NBPF3: variants seen among roughly 807,000 people sequenced by gnomAD.
NBPF3 encodes NBPF member 3.
In NBPF3, 57 loss-of-function variants were observed where a neutral mutation model predicts 78.1. The observed-to-expected ratio is 0.73, with a 90% CI of 0.59 to 0.91. The LOEUF (loss-of-function observed/expected upper bound fraction) is 0.91, where lower values mean the gene tolerates loss of function less well. Among genes scored for constraint, NBPF3 ranks in the 40% least tolerant of loss-of-function variants. The pLI, the probability that NBPF3 is intolerant of heterozygous loss-of-function variation, is 0.00. For missense variants in NBPF3, 510 were observed against 715.3 expected (o/e 0.71, Z 3.27); for synonymous variants, 182 against 271.7 (o/e 0.67, Z 3.25).
chr1:21,448,998 C>T (rs1234871631), intron 2 of NBPF3, among the ~76,000 whole-genome samples: 6 of 152,142 alleles, frequency 3.9e-5, no homozygotes, highest in Non-Finnish European at 8.8e-5. Context: ...CAGCCATTGT[C>T]CACGTACAAC....
At chr1:21,479,963 A>T in intron 10 of NBPF3, 88 bp from the exon 11 acceptor site, 1 of 794,758 alleles carries the variant, frequency 1.3e-6, no homozygotes, top group South Asian at 1.4e-5. Context: ...CTTTTCAAAC[A>T]GTTCCTTATG....
chr1:21,467,872 T>C (rs559769318), intron 2 of NBPF3, among the ~76,000 whole-genome samples: 4 of 152,158 alleles, frequency 2.6e-5, no homozygotes, highest in Non-Finnish European at 5.9e-5. Context: ...GACATAGGGA[T>C]GTCAAACTGG....
chr1:21,458,776 A>G (rs1226064777), intron 2 of NBPF3, among the ~76,000 whole-genome samples: 1 of 152,214 alleles, frequency 6.6e-6, no homozygotes, highest in Non-Finnish European at 1.5e-5. Context: ...ATGAACTGCA[A>G]AGGGGTACAA....
At chr1:21,455,005 G>T (rs1158978658) in intron 2 of NBPF3, among the ~76,000 whole-genome samples, 1 of 152,110 alleles carries the variant, frequency 6.6e-6, no homozygotes, top group Non-Finnish European at 1.5e-5. Context: ...TCAGTTCCTT[G>T]TGACTGTAGG....
intron 1 of NBPF3, chr1:21,442,374 C>T (rs940352311): frequency 6.6e-6 from 1 of 152,160 alleles, no homozygotes; most frequent in Non-Finnish European, 1.5e-5. Flanking sequence ...TACCACCACA[C>T]TCAGCTGTTT....
In NBPF3 at chr1:21,474,926, G is replaced by A. The variant is rs1480801767; in HGVS notation, c.967G>A (p.Glu323Lys). The A allele has an allele frequency of 3.1e-6, 5 of 1,602,996 alleles. No homozygotes were observed. The highest frequency in any genetic ancestry group is 4.3e-6 in the Non-Finnish European group (5 of 1,173,190). ...PENESDHEQE[E>K]EKGPVSPRNL... ...AAATGAAAGTGATCATGAGCAAGAG[G>A]AAGAAAAAGGGCCAGTGTCTCCCAG... Residue 323 changes from glutamate to lysine, a missense_variant, in exon 8 of 15, where the codon GAA becomes AAA. Physicochemically the swap from Glu to Lys is moderately conservative, Grantham distance 56 (BLOSUM62 1). Coordinates refer to ENST00000318249, the MANE Select transcript of NBPF3 (RefSeq NM_032264.6).
rs1196313033 is a variant in NBPF3 at position 21,484,112 on chromosome 1, T to A, written c.*726T>A. The A allele has an allele frequency of 2.8e-5, 2 of 71,210 alleles. 1 individual carries two copies. The highest frequency in any genetic ancestry group is 7.4e-5 in the African/African-American group (2 of 26,886). 4.4% of individuals were successfully genotyped at this position (71,210 alleles called of 1,614,324 possible). On this transcript the variant is annotated 3_prime_UTR_variant, in exon 15 of 15. Coordinates refer to ENST00000318249, the MANE Select transcript of NBPF3 (RefSeq NM_032264.6). ...CTCTGCCAGTGCAGAATATGAACAA[T>A]GCCATGTTCTTGCAGAAAATGCTTA...
chr1:21,468,918 A>G lies in NBPF3; in HGVS notation c.343+21A>G, dbSNP rs199533279. On this transcript the variant is annotated intron_variant, in intron 3 of 14. Transcript: ENST00000318249. ...TTACGGTAAGTTCTATAGGCTCACC[A>G]TCACAAAAGCGATGAATGATGTCCT... 8.4e-5 allele frequency: 132 copies of G among 1,565,546 alleles called. No homozygotes were observed. The African/African-American group carries it at 1.6e-3, about 19-fold the overall frequency.
chr1:21,438,962 G>A (rs1349982198), upstream of NBPF3, among the ~76,000 whole-genome samples: 2 of 152,202 alleles, frequency 1.3e-5, no homozygotes, highest in Admixed American at 6.5e-5. Context: ...CACTGGGGGA[G>A]GTGCCTGAAA....
chr1:21,437,749 G>T (rs911125600), upstream of NBPF3, among the ~76,000 whole-genome samples: 1 of 152,022 alleles, frequency 6.6e-6, no homozygotes, highest in South Asian at 2.1e-4. Context: ...CCGCCTCCCG[G>T]GTTCGTGCCA....
intron 1 of NBPF3, among the ~76,000 whole-genome samples, chr1:21,444,330 A>G (rs905583097): frequency 1.3e-5 from 2 of 152,206 alleles, no homozygotes; most frequent in Non-Finnish European, 2.9e-5. Context: ...GGCTTTTGTT[A>G]CTGTAGTATA....
chr1:21,470,567 G>T, intron 3 of NBPF3, 65 bp from the exon 4 acceptor site: 8 of 1,335,718 alleles, frequency 6.0e-6, no homozygotes, highest in Non-Finnish European at 8.5e-6. Flanking sequence ...CTCCTGCCCT[G>T]TAGGCAGTGA....
At position 21,468,430 on chromosome 1, in the gene NBPF3, T is replaced by C. The variant is rs1245856178; in HGVS notation, c.134-258T>C. On this transcript the variant is annotated intron_variant, in intron 2 of 14. Transcript: ENST00000318249. ...CACCCCCACCTTCTAATTCTGTTAT[T>C]GCAACTGCAGACCGTTACCTGGCAC... The C allele has an allele frequency of 4.4e-5, 60 of 1,368,748 alleles. No homozygotes were observed. In the Middle Eastern group the frequency reaches 1.4e-3, roughly 31 times the overall value. 84.8% of individuals were successfully genotyped at this position (1,368,748 alleles called of 1,614,324 possible).
intron 2 of NBPF3, among the ~76,000 whole-genome samples, chr1:21,457,242 T>C (rs1641655233): frequency 6.6e-6 from 1 of 151,514 alleles, no homozygotes; most frequent in Admixed American, 6.6e-5. Flanking sequence ...TTGAAGATTA[T>C]CTATCGTTAT....
chr1:21,439,152 G>T (rs1475920053), upstream of NBPF3, among the ~76,000 whole-genome samples: 1 of 152,126 alleles, frequency 6.6e-6, no homozygotes, highest in Non-Finnish European at 1.5e-5. Flanking sequence ...GGTGGCACAC[G>T]CCTGTAGTCC....
chr1:21,475,566 G>A (rs1487634053), intron 8 of NBPF3, among the ~76,000 whole-genome samples: 2 of 152,224 alleles, frequency 1.3e-5, no homozygotes, highest in East Asian at 3.8e-4. Context: ...TAGTTGTGCA[G>A]TTTTGAGTGA....
upstream of NBPF3, among the ~76,000 whole-genome samples, chr1:21,438,301 C>T (rs957588190): frequency 6.7e-6 from 1 of 150,030 alleles, no homozygotes; most frequent in South Asian, 2.1e-4. Context: ...TTAGTAGAGA[C>T]GGGGGTTTCA....
chr1:21,471,786 G>A lies in NBPF3; in HGVS notation c.661+3G>A, dbSNP rs750694512. The A allele has an allele frequency of 1.9e-6, 3 of 1,612,510 alleles. No individual in the cohort carries two copies. Among genetic ancestry groups the A allele is most frequent in the Middle Eastern group, 1.9e-4 (1 of 5,238 alleles). ...CCTCGTCCAAAAGCTCAGCCCAGGTGAGGTGGCCATAGGCCCTGATGACCC... is the reference window on the plus strand; with the variant it reads ...CCTCGTCCAAAAGCTCAGCCCAGGTAAGGTGGCCATAGGCCCTGATGACCC... On this transcript the variant is annotated splice_donor_region_variant and intron_variant, in intron 5 of 14. Transcript: ENST00000318249.
intron 1 of NBPF3, among the ~76,000 whole-genome samples, chr1:21,443,642 C>T (rs1640794700): frequency 6.6e-6 from 1 of 151,214 alleles, no homozygotes; most frequent in Non-Finnish European, 1.5e-5. Flanking sequence ...GAGACAGTGT[C>T]TCGCTCTGTT....
Sources: gnomAD v4.1 joint callset for allele counts (sites outside exome capture counted in the v4.1 genomes callset) on GRCh38, gnomAD v4.1.1 for gene constraint, MANE v1.5 for transcripts, NCBI Gene and HGNC (gene_info 2026-07-23, HGNC 2026-07-21) for gene names.